Variants in CCDC150 observed in about 807,000 individuals in gnomAD.
CCDC150 encodes coiled-coil domain containing 150, also known as coiled-coil domain-containing protein 150.
In CCDC150, 151 loss-of-function variants were observed where a neutral mutation model predicts 156.5. That is an observed-to-expected ratio of 0.97 (90% CI 0.85 to 1.10). CCDC150 has a LOEUF of 1.10. CCDC150 is among the 50% of genes least tolerant of loss of function. The pLI, the probability that CCDC150 is intolerant of heterozygous loss-of-function variation, is 0.00. For missense variants in CCDC150, 1,312 were observed against 1,268.1 expected (o/e 1.03, Z -0.53); for synonymous variants, 452 against 429.4 (o/e 1.05, Z -0.65).
intron 6 of CCDC150, 47 bp downstream of exon 6, chr2:196,665,730 C>A: frequency 9.0e-7 from 1 of 1,112,594 alleles, no homozygotes; most frequent in Non-Finnish European, 1.3e-6. Context: ...TGAAACCAAA[C>A]AAAAACTGAT....
chr2:196,713,846 T>A lies in CCDC150; in HGVS notation c.1866+1107T>A, dbSNP rs188714127. On this transcript the variant is annotated intron_variant, in intron 17 of 27. Transcript: ENST00000389175. ...TAGATTGAAACCATTATCCTAGCCA[T>A]CACATAATTAGTTTTAGACATAGAA... Among the ~76,000 whole-genome samples, 47 of 152,306 alleles carry A rather than the reference T, an allele frequency of 3.1e-4. No homozygotes were observed. In the East Asian group the frequency reaches 8.3e-3, roughly 27 times the overall value.
chr2:196,718,598 C>G lies in CCDC150; in HGVS notation c.1962C>G (p.Asp654Glu), dbSNP rs551763441. 6.2e-7 allele frequency: 1 copy of G among 1,613,680 alleles called. No homozygotes were observed. The highest frequency in any genetic ancestry group is 1.7e-5 in the Admixed American group (1 of 59,992). ...ALKESQKLKE[D>E]LEAVEDRENK... is the part of the protein sequence containing the mutation. The stretch of plus-strand genomic sequence containing the variant: ...AAGAGAGTCAGAAGTTGAAAGAAGA[C>G]CTCGAGGCTGTGGAGGACAGGGAAA... Residue 654 changes from aspartate to glutamate, a missense_variant, in exon 18 of 28, where the codon GAC becomes GAG. Transcript: ENST00000389175.
At chr2:196,709,075 C>T (rs1696891812) in intron 15 of CCDC150, among the ~76,000 whole-genome samples, 1 of 152,204 alleles carries the variant, frequency 6.6e-6, no homozygotes, top group Admixed American at 6.5e-5. Context: ...GGAAGTTCTC[C>T]TGGATAATAT....
intron 14 of CCDC150, among the ~76,000 whole-genome samples, chr2:196,698,547 G>GT (rs990856622): frequency 3.9e-5 from 6 of 152,118 alleles, no homozygotes. Context: ...CAAGAAGATA[G>GT]TTATATTTGA....
chr2:196,658,986 A>G (rs1693395985), intron 5 of CCDC150, 126 bp downstream of exon 5: 1 of 648,066 alleles, frequency 1.5e-6, no homozygotes, highest in Admixed American at 3.2e-5. Context: ...AAGACTTTAA[A>G]AATATGCCAC....
chr2:196,662,514 G>A (rs1249667098), intron 5 of CCDC150, among the ~76,000 whole-genome samples: 5 of 152,176 alleles, frequency 3.3e-5, no homozygotes, highest in Non-Finnish European at 2.9e-5. Context: ...AGGGTTCACA[G>A]TCCTATGAGA....
At position 196,645,489 on chromosome 2, in the gene CCDC150, A is replaced by G. The variant is rs1692484606; in HGVS notation, c.13-852A>G. Among the ~76,000 whole-genome samples the G allele has an allele frequency of 2.6e-5, 4 of 152,364 alleles. No individual in the cohort carries two copies. The South Asian group carries it at 8.3e-4, about 32-fold the overall frequency. On this transcript the variant is annotated intron_variant, in intron 1 of 27. Coordinates refer to ENST00000389175, the MANE Select transcript of CCDC150 (RefSeq NM_001080539.2). ...CTATCGCTAGAAATGGCTAAGGCTTACAGCATGATTAGTAGAGAAATGTCT... is the reference window on the plus strand; with the variant it reads ...CTATCGCTAGAAATGGCTAAGGCTTGCAGCATGATTAGTAGAGAAATGTCT...
chr2:196,666,592 C>A, intron 6 of CCDC150, 127 bp from the exon 7 acceptor site: 1 of 798,938 alleles, frequency 1.3e-6, no homozygotes, highest in African/African-American at 1.7e-5. Context: ...TTAACTGTAA[C>A]ATAGACTAAC....
At chr2:196,679,988 A>G (rs1400733035) in intron 13 of CCDC150, among the ~76,000 whole-genome samples, 1 of 152,146 alleles carries the variant, frequency 6.6e-6, no homozygotes, top group South Asian at 2.1e-4. Context: ...ACATATTCTT[A>G]TAATCTTAAA....
At position 196,729,373 on chromosome 2, in the gene CCDC150, A is replaced by G. The variant is rs764223250; in HGVS notation, c.2737A>G (p.Ile913Val). 6.2e-7 allele frequency: 1 copy of G among 1,613,936 alleles called. No individual in the cohort carries two copies. Among genetic ancestry groups the G allele is most frequent in the Non-Finnish European group, 8.5e-7 (1 of 1,179,804 alleles). Residue 913 changes from isoleucine (I) to valine (V), a missense_variant, in exon 23 of 28, where the codon ATA becomes GTA. Transcript: ENST00000389175. ...AGCTAAGGCGAATAATGCTCAGAAT[A>G]TAGAAAGGATGAAGGTTGTATGGGA... Reference protein sequence around the residue: ...LSAKANNAQNIERMKQIEKEL... With the variant: ...LSAKANNAQNVERMKQIEKEL...
At position 196,707,689 on chromosome 2, in the gene CCDC150, C is replaced by T. The variant is rs188507671; in HGVS notation, c.1696-4456C>T. On this transcript the variant is annotated intron_variant, in intron 15 of 27. Coordinates refer to ENST00000389175, the MANE Select transcript of CCDC150 (RefSeq NM_001080539.2). ...TCTACACACTGCTTTAAATGTGTCC[C>T]AGAGATTCTGGTACATTGTGTCTTT... Among the ~76,000 whole-genome samples the T allele has an allele frequency of 4.7e-3, 711 of 152,236 alleles. 3 individuals are homozygous for T. The highest frequency in any genetic ancestry group is 0.016 in the African/African-American group (683 of 41,534).
chr2:196,658,412 T>G (rs1445303314), intron 4 of CCDC150, among the ~76,000 whole-genome samples: 1 of 152,086 alleles, frequency 6.6e-6, no homozygotes, highest in Non-Finnish European at 1.5e-5. Flanking sequence ...CCTCAACTTG[T>G]AAGCACGAAT....
In CCDC150 at chr2:196,674,181, C is replaced by T; in HGVS notation, c.1030-60C>T. On this transcript the variant is annotated intron_variant, in intron 9 of 27. Coordinates refer to ENST00000389175, the MANE Select transcript of CCDC150 (RefSeq NM_001080539.2). ...TATGCAATCATTAAAAATAATAATA[C>T]ATAAGTAAAAATAATTCTTTATTGG... is the stretch of plus-strand genomic sequence containing the variant. 3 of 998,922 alleles carry T rather than the reference C, an allele frequency of 3.0e-6. No individual in the cohort carries two copies. The East Asian group carries it at 7.9e-5, about 26-fold the overall frequency. 61.9% of individuals were successfully genotyped at this position (998,922 alleles called of 1,614,324 possible). A position where few individuals can be genotyped will look rare whatever the true frequency, so the allele number is the denominator to read the frequency against.
intron 13 of CCDC150, among the ~76,000 whole-genome samples, chr2:196,690,649 A>T (rs1241625954): frequency 2.0e-5 from 3 of 151,940 alleles, no homozygotes; most frequent in Non-Finnish European, 4.4e-5. Context: ...GTCATCTGCA[A>T]ACAGGGATAG....
intron 4 of CCDC150, 134 bp from the exon 5 acceptor site, chr2:196,658,658 G>A (rs1367617608): frequency 1.2e-5 from 7 of 589,936 alleles, no homozygotes; most frequent in African/African-American, 2.0e-5. Flanking sequence ...CTTATAACAA[G>A]GAGTATTTAT....
At chr2:196,649,600 CA>C (rs1223388070) in intron 2 of CCDC150, among the ~76,000 whole-genome samples, 1 of 152,144 alleles carries the variant, frequency 6.6e-6, no homozygotes, top group African/African-American at 2.4e-5. Flanking sequence ...GTGACAAAAT[CA>C]CCTAACAACA....
At chr2:196,667,917 C>A (rs537475685) in intron 7 of CCDC150, 2 of 152,240 alleles carry the variant, frequency 1.3e-5, no homozygotes, top group South Asian at 4.2e-4. Context: ...TACAAAAATA[C>A]ATGTATATTT....
intron 13 of CCDC150, among the ~76,000 whole-genome samples, chr2:196,687,369 A>G (rs1008404395): frequency 1.3e-5 from 2 of 152,202 alleles, no homozygotes; most frequent in African/African-American, 4.8e-5. Flanking sequence ...TCTGATGTTC[A>G]GTGATGTTGA....
chr2:196,643,752 T>A (rs1692373878), intron 1 of CCDC150, among the ~76,000 whole-genome samples: 1 of 152,218 alleles, frequency 6.6e-6, no homozygotes, highest in Admixed American at 6.5e-5. Flanking sequence ...TCTAATAAAT[T>A]GCCACAGAAA....
Sources: gnomAD v4.1 joint callset for allele counts (sites outside exome capture counted in the v4.1 genomes callset) on GRCh38, gnomAD v4.1.1 for gene constraint, MANE v1.5 for transcripts, NCBI Gene and HGNC (gene_info 2026-07-23, HGNC 2026-07-21) for gene names.